OR2T6: variants seen among roughly 807,000 people sequenced by gnomAD.
OR2T6 encodes the protein olfactory receptor family 2 subfamily T member 6.
For missense variants in OR2T6, 424 were observed against 391.6 expected, an observed-to-expected ratio of 1.08 and a Z score of -0.70; for synonymous variants, 174 against 148.0, an observed-to-expected ratio of 1.18 and a Z score of -1.27.
At position 248,388,769 on chromosome 1, in the gene OR2T6, T is replaced by G. The variant is rs910504697; in HGVS notation, c.*234T>G. On this transcript the variant is annotated 3_prime_UTR_variant, in exon 3 of 3. Transcript: ENST00000641644. ...AAACACCACTCATGTTTATTCTTCT[T>G]TTGTTTCTACTGATTCCAAGTCTTC... 2.7e-5 allele frequency: 12 copies of G among 438,636 alleles called. No homozygotes were observed. Among genetic ancestry groups the G allele is most frequent in the African/African-American group, 2.2e-4 (11 of 50,672 alleles). The allele number at this position is 438,636 out of a possible 1,614,324, so 27.2% of individuals were successfully genotyped here.
intron 1 of OR2T6, among the ~76,000 whole-genome samples, chr1:248,379,066 G>A (rs964076333): frequency 2.6e-5 from 4 of 152,084 alleles, no homozygotes; most frequent in African/African-American, 9.7e-5. Context: ...TCCCAGCTAC[G>A]CAGGAGGCTG....
At chr1:248,379,865 T>A (rs1661002759) in intron 1 of OR2T6, among the ~76,000 whole-genome samples, 1 of 152,032 alleles carries the variant, frequency 6.6e-6, no homozygotes, top group East Asian at 1.9e-4. Context: ...TTTCTTTTTT[T>A]TGATTTATTT....
rs1158873293 is a variant in OR2T6 at position 248,390,629 on chromosome 1, G to T, written c.*2094G>T. On this transcript the variant is annotated 3_prime_UTR_variant, in exon 3 of 3. Transcript: ENST00000641644. ...GGAACAGCTTTTCCGAGGCTCTTCAGCTGGAGGCTCAACATCTCCTCAATC... is the reference window on the plus strand; with the variant it reads ...GGAACAGCTTTTCCGAGGCTCTTCATCTGGAGGCTCAACATCTCCTCAATC... 4 of 152,224 alleles carry T rather than the reference G, an allele frequency of 2.6e-5. No homozygotes were observed. Among genetic ancestry groups the T allele is most frequent in the Non-Finnish European group, 5.9e-5 (4 of 68,038 alleles). 9.4% of individuals were successfully genotyped at this position (152,224 alleles called of 1,614,324 possible).
intron 1 of OR2T6, among the ~76,000 whole-genome samples, chr1:248,382,625 C>G (rs1165586320): frequency 6.6e-6 from 1 of 150,600 alleles, no homozygotes; most frequent in East Asian, 2.0e-4. Context: ...CCCTGCCTCC[C>G]TGGTTCAAGC....
chr1:248,381,635 G>A (rs1231414444), intron 1 of OR2T6, among the ~76,000 whole-genome samples: 1 of 151,958 alleles, frequency 6.6e-6, no homozygotes. Flanking sequence ...CTACAGATTA[G>A]ATGTCATAGA....
At chr1:248,378,237 C>G (rs1263342816) in intron 1 of OR2T6, among the ~76,000 whole-genome samples, 1 of 152,176 alleles carries the variant, frequency 6.6e-6, no homozygotes, top group Non-Finnish European at 1.5e-5. Flanking sequence ...CTTACACTAG[C>G]AGTGTGTGAT....
At chr1:248,384,115 T>A (rs1482852532) in intron 1 of OR2T6, among the ~76,000 whole-genome samples, 12 of 42,704 alleles carry the variant, frequency 2.8e-4, no homozygotes, top group East Asian at 7.3e-4. Context: ...CCTATCCTGA[T>A]GTGTTTCCTA....
chr1:248,378,521 T>G (rs1660977741), intron 1 of OR2T6, among the ~76,000 whole-genome samples: 1 of 151,852 alleles, frequency 6.6e-6, no homozygotes, highest in Non-Finnish European at 1.5e-5. Flanking sequence ...TCATCTTACT[T>G]GTGTGAAACA....
intron 1 of OR2T6, 119 bp from the exon 2 acceptor site, chr1:248,384,590 AAG>A (rs1661101907): frequency 3.3e-5 from 3 of 91,028 alleles, no homozygotes; most frequent in Admixed American, 1.2e-4. Context: ...TCCTATCCTG[AAG>A]TGTTTCCTAG....
chr1:248,388,030 G>T lies in OR2T6; in HGVS notation c.422G>T (p.Cys141Phe). 6.2e-7 allele frequency: 1 copy of T among 1,613,816 alleles called. No individual in the cohort carries two copies. Among genetic ancestry groups the T allele is most frequent in the South Asian group, 1.1e-5 (1 of 91,036 alleles). ...CCTGTCCTCATCAGCTGGCGGGTCT[G>T]CTGGATGATCCTGGCCAGCTCTTGG... ...RYPVLISWRVCWMILASSWFG... is the reference protein window; with the variant it reads ...RYPVLISWRVFWMILASSWFG... The change falls in exon 3 of 3, where the codon TGC (cysteine) becomes TTC (phenylalanine). Residue 141 changes from cysteine to phenylalanine, a missense_variant. Transcript: ENST00000641644.
chr1:248,385,121 A>G (rs893378727), intron 2 of OR2T6, among the ~76,000 whole-genome samples: 1 of 152,134 alleles, frequency 6.6e-6, no homozygotes, highest in African/African-American at 2.4e-5. Context: ...GAAAGCAGAG[A>G]AGCAGACCCT....
At chr1:248,377,012 G>T (rs1018621966) in intron 1 of OR2T6, among the ~76,000 whole-genome samples, 1 of 152,104 alleles carries the variant, frequency 6.6e-6, no homozygotes, top group African/African-American at 2.4e-5. Flanking sequence ...TTTATTGATT[G>T]CTTTTTGTGA....
intron 1 of OR2T6, among the ~76,000 whole-genome samples, chr1:248,384,251 A>T (rs376187475): frequency 0.011 from 477 of 42,414 alleles, 14 homozygotes; most frequent in African/African-American, 0.043. Context: ...CCTCTCCTGA[A>T]GTGTTTCCTA....
chr1:248,377,383 A>G (rs6678999), intron 1 of OR2T6, among the ~76,000 whole-genome samples: 61,398 of 152,106 alleles, frequency 0.4, 14,768 homozygotes, highest in Non-Finnish European at 0.54. Context: ...GGAGTAATCA[A>G]TTGATGTATA....
At chr1:248,387,385 C>A (rs1661151772) in intron 2 of OR2T6, among the ~76,000 whole-genome samples, 1 of 152,190 alleles carries the variant, frequency 6.6e-6, no homozygotes. Flanking sequence ...AACATTCATT[C>A]ATCTTCATCC....
rs756572193 is a variant in OR2T6, at chr1:248,388,175, T to G, written c.567T>G (p.Cys189Trp). Residue 189 changes from cysteine to tryptophan, a missense_variant, in exon 3 of 3, where the codon TGT becomes TGG. Physicochemically the swap from Cys to Trp is radical, Grantham distance 215. Transcript: ENST00000641644. Reference protein sequence around the residue: ...CEAPTMLRLACGDKTTYETVM... With the variant: ...CEAPTMLRLAWGDKTTYETVM... ...CACCCACCATGCTGAGGCTGGCCTG[T>G]GGGGACAAAACCACCTATGAAACAG... is the stretch of plus-strand genomic sequence containing the variant. 3.7e-6 allele frequency: 6 copies of G among 1,613,772 alleles called. No individual in the cohort carries two copies. The highest frequency in any genetic ancestry group is 5.1e-6 in the Non-Finnish European group (6 of 1,179,998).
rs144138538 is a variant in OR2T6, at chr1:248,382,696, C to T, written c.-158-2015C>T. Among the ~76,000 whole-genome samples the T allele has an allele frequency of 2.3e-3, 350 of 152,130 alleles. 2 individuals are homozygous for T. Among genetic ancestry groups the T allele is most frequent in the African/African-American group, 7.2e-3 (300 of 41,520 alleles). On this transcript the variant is annotated intron_variant, in intron 1 of 2. Coordinates refer to ENST00000641644, the MANE Select transcript of OR2T6 (RefSeq NM_001005471.2). ...TACAGGCACCCGCCATCATGCCTGGCTAACTTTTGTAGAGACAGGGTTTCA... is the reference window on the plus strand; with the variant it reads ...TACAGGCACCCGCCATCATGCCTGGTTAACTTTTGTAGAGACAGGGTTTCA...
chr1:248,381,213 C>T (rs1487114310), intron 1 of OR2T6, among the ~76,000 whole-genome samples: 1 of 151,658 alleles, frequency 6.6e-6, no homozygotes, highest in African/African-American at 2.4e-5. Flanking sequence ...ATACCAGTAA[C>T]TGATTTGGTT....
chr1:248,387,669 A>T lies in OR2T6; in HGVS notation c.61A>T (p.Asn21Tyr). The change falls in exon 3 of 3, where the codon AAT becomes TAT. Residue 21 changes from asparagine to tyrosine, a missense_variant. Physicochemically the swap from Asn to Tyr is moderately radical, Grantham distance 143 (BLOSUM62 -2). Coordinates refer to ENST00000641644, the MANE Select transcript of OR2T6 (RefSeq NM_001005471.2). ...TACCCTCATGGGGCTCTTCACTCAC[A>T]ATAAATGCTCAGGATTCTTTTTCGG... ...GFTLMGLFTH[N>Y]KCSGFFFGVI... 1 of 1,613,058 alleles carries T rather than the reference A, an allele frequency of 6.2e-7. No homozygotes were observed. The highest frequency in any genetic ancestry group is 8.5e-7 in the Non-Finnish European group (1 of 1,179,416).
Sources: gnomAD v4.1 joint callset for allele counts (sites outside exome capture counted in the v4.1 genomes callset) on GRCh38, gnomAD v4.1.1 for gene constraint, MANE v1.5 for transcripts, NCBI Gene and HGNC (gene_info 2026-07-23, HGNC 2026-07-21) for gene names.